TBC1D23: variants seen among roughly 807,000 people sequenced by gnomAD.
The protein encoded by TBC1D23 is TBC1 domain family member 23, also known as HCV non-structural protein 4A-transactivated protein 1.
In TBC1D23, 55 loss-of-function variants were observed where a neutral mutation model predicts 91.4. The observed-to-expected ratio is 0.60, with a 90% CI of 0.48 to 0.75. TBC1D23 has a LOEUF of 0.75. TBC1D23 is among the 30% of genes least tolerant of loss of function. The pLI is 0.00. For synonymous variants in TBC1D23, 289 were observed against 281.0 expected (o/e 1.03, Z -0.28); for missense variants, 725 against 836.1 (o/e 0.87, Z 1.64).
chr3:100,313,402 A>G (rs1045464348), intron 15 of TBC1D23, among the ~76,000 whole-genome samples: 1 of 152,294 alleles, frequency 6.6e-6, no homozygotes, highest in Non-Finnish European at 1.5e-5. Context: ...AAACCATACT[A>G]TAGATGTTTC....
chr3:100,311,743 AAAACT>A, intron 14 of TBC1D23, 85 bp from the exon 15 acceptor site: 1 of 900,074 alleles, frequency 1.1e-6, no homozygotes, highest in Non-Finnish European at 1.7e-6. Flanking sequence ...CTGGGTGAGA[AAAACT>A]AAACTGTACC....
Position 100,295,111 on chromosome 3 carries a change from T to C in TBC1D23, c.625T>C (p.Cys209Arg), listed in dbSNP as rs1181384582. 1.9e-6 allele frequency: 3 copies of C among 1,598,756 alleles called. No individual in the cohort carries two copies. The highest frequency in any genetic ancestry group is 2.2e-5 in the East Asian group (1 of 44,700). The change falls in exon 6 of 19, where the codon TGT (cysteine) becomes CGT (arginine). Residue 209 changes from cysteine (C) to arginine (R), a missense_variant. Physicochemically the swap from Cys to Arg is radical, Grantham distance 180 (BLOSUM62 -3). Transcript: ENST00000394144. ...GCTTGGAAGTCTTTTTGCATGTTACTGTTCCACTGAAGTCACTCAGGCAAT... is the reference window on the plus strand; with the variant it reads ...GCTTGGAAGTCTTTTTGCATGTTACCGTTCCACTGAAGTCACTCAGGCAAT... ...NWLGSLFACY[C>R]STEVTQAIWD...
At chr3:100,271,541 C>G (rs138612727) in intron 1 of TBC1D23, among the ~76,000 whole-genome samples, 1 of 151,878 alleles carries the variant, frequency 6.6e-6, no homozygotes, top group Non-Finnish European at 1.5e-5. Context: ...AGAAGAGATA[C>G]GTAAGTCTCC....
intron 1 of TBC1D23, among the ~76,000 whole-genome samples, chr3:100,272,496 A>G (rs1204269032): frequency 5.9e-5 from 9 of 152,196 alleles, no homozygotes. Flanking sequence ...CCCAAAGCTG[A>G]AGGGGTGGGT....
At chr3:100,293,126 TTTAC>T (rs1369227930) in intron 5 of TBC1D23, among the ~76,000 whole-genome samples, 19 of 144,864 alleles carry the variant, frequency 1.3e-4, no homozygotes, top group Non-Finnish European at 2.6e-4. Context: ...TGTTTGTTTG[TTTAC>T]TTATTTATTT....
intron 1 of TBC1D23, among the ~76,000 whole-genome samples, chr3:100,273,279 A>G (rs996264537): frequency 6.6e-6 from 1 of 152,206 alleles, no homozygotes; most frequent in African/African-American, 2.4e-5. Flanking sequence ...CCCTTAATCC[A>G]TTTAACCCTG....
intron 1 of TBC1D23, among the ~76,000 whole-genome samples, chr3:100,272,682 G>A (rs2067609778): frequency 1.3e-5 from 2 of 152,206 alleles, no homozygotes; most frequent in South Asian, 2.1e-4. Flanking sequence ...TCATTTTTGG[G>A]TGTTTCTCAG....
chr3:100,273,600 C>T (rs1447645398), intron 1 of TBC1D23, among the ~76,000 whole-genome samples: 5 of 152,156 alleles, frequency 3.3e-5, no homozygotes, highest in South Asian at 2.1e-4. Context: ...GAAGGCATCA[C>T]GCTACCTGAC....
chr3:100,270,908 TC>T (rs1481636006), intron 1 of TBC1D23, among the ~76,000 whole-genome samples: 4 of 152,162 alleles, frequency 2.6e-5, no homozygotes, highest in African/African-American at 4.8e-5. Context: ...TTCTCTATAC[TC>T]TGCATTTAAG....
chr3:100,283,421 G>T (rs1299171876), intron 3 of TBC1D23, among the ~76,000 whole-genome samples, 186 bp from the exon 4 acceptor site: 4 of 151,514 alleles, frequency 2.6e-5, no homozygotes, highest in Non-Finnish European at 5.9e-5. Context: ...TGTTTTCCTT[G>T]GGTTTTGGAT....
At chr3:100,313,065 C>T (rs533227608) in intron 15 of TBC1D23, among the ~76,000 whole-genome samples, 37 of 151,926 alleles carry the variant, frequency 2.4e-4, no homozygotes, top group African/African-American at 8.0e-4. Context: ...AATAACTTAT[C>T]TTCTAAGAGT....
chr3:100,314,387 G>T (rs984804900), intron 15 of TBC1D23, among the ~76,000 whole-genome samples: 15 of 152,134 alleles, frequency 9.9e-5, no homozygotes, highest in African/African-American at 3.1e-4. Flanking sequence ...TTACAAGCGT[G>T]AGCCACTGTA....
intron 2 of TBC1D23, among the ~76,000 whole-genome samples, chr3:100,280,980 T>G (rs2067689285): frequency 6.6e-6 from 1 of 152,032 alleles, no homozygotes; most frequent in Admixed American, 6.6e-5. Flanking sequence ...GCCAACATGG[T>G]GAATCCCCAT....
At chr3:100,296,344 C>T in intron 8 of TBC1D23, 69 bp downstream of exon 8, 1 of 903,668 alleles carries the variant, frequency 1.1e-6, no homozygotes, top group Non-Finnish European at 1.7e-6. Flanking sequence ...ACTTTATATT[C>T]ACTTTAGTTA....
At chr3:100,267,084 A>G (rs1433921366) in intron 1 of TBC1D23, 2 of 217,058 alleles carry the variant, frequency 9.2e-6, no homozygotes, top group South Asian at 5.0e-5. Flanking sequence ...GATTTTTTTC[A>G]TCATTTTATC....
chr3:100,301,991 TA>T (rs904351838), intron 10 of TBC1D23, 75 bp from the exon 11 acceptor site: 231 of 1,199,232 alleles, frequency 1.9e-4, no homozygotes, highest in Non-Finnish European at 2.3e-4. Context: ...GGGTTTTTCC[TA>T]AAAAAAATTT....
chr3:100,319,193 C>T lies in TBC1D23; in HGVS notation c.1812C>T (p.His604=). The change falls in exon 17 of 19, where the codon CAC becomes CAT. Residue 604 remains histidine (H), a synonymous_variant. Coordinates refer to ENST00000394144, the MANE Select transcript of TBC1D23 (RefSeq NM_001199198.3). ...FPCKEVKESG[H]MFPSHLLVTA... is the part of the protein sequence containing the mutation. ...GTAAAGAAGTAAAAGAAAGTGGACA[C>T]ATGTTTCCCAGGTACTTTTAAAAAT... The T allele has an allele frequency of 6.2e-7, 1 of 1,603,066 alleles. No individual in the cohort carries two copies. The highest frequency in any genetic ancestry group is 1.1e-5 in the South Asian group (1 of 87,980).
In TBC1D23 at chr3:100,281,019, G is replaced by T. The variant is rs140542088; in HGVS notation, c.166-723G>T. 6.5e-3 allele frequency among the ~76,000 whole-genome samples: 984 copies of T among 152,198 alleles called. 12 individuals carry two copies. Among genetic ancestry groups the T allele is most frequent in the African/African-American group, 0.023 (945 of 41,492 alleles). On this transcript the variant is annotated intron_variant, in intron 2 of 18. Transcript: ENST00000394144. ...TACTAAAAATACAAAAATTAGCTGG[G>T]CGTGGTGGTGGGTGCCTGTAGTATC... is the stretch of plus-strand genomic sequence containing the variant.
intron 2 of TBC1D23, among the ~76,000 whole-genome samples, chr3:100,281,090 G>T (rs2067690193): frequency 6.6e-6 from 1 of 152,114 alleles, no homozygotes; most frequent in Admixed American, 6.5e-5. Context: ...AACCCGGGAG[G>T]CGGAGAGGTT....
Sources: allele counts gnomAD v4.1 joint callset (sites outside exome capture counted in the v4.1 genomes callset), GRCh38; gene constraint gnomAD v4.1.1; transcripts MANE v1.5; gene names NCBI Gene and HGNC (gene_info 2026-07-23, HGNC 2026-07-21).